GRID2: variants seen among roughly 807,000 people sequenced by gnomAD.
The protein encoded by GRID2 is glutamate ionotropic receptor delta type subunit 2, also known as glutamate receptor ionotropic, delta-2.
In GRID2, 33 loss-of-function variants were observed where a neutral mutation model predicts 114.8. The ratio of observed to expected loss-of-function variants is 0.29; its 90% CI spans 0.22 to 0.38. The LOEUF is 0.38. Ranked by LOEUF, GRID2 falls within the 10% of genes least tolerant of loss-of-function variation. The probability of loss-of-function intolerance (pLI) is 1.00; values close to 1 mark genes in which losing one functional copy is unlikely to be tolerated. For synonymous variants in GRID2, 505 were observed against 449.9 expected (o/e 1.12, Z -1.55); for missense variants, 1,184 against 1,257.7 (o/e 0.94, Z 0.89).
intron 3 of GRID2, among the ~76,000 whole-genome samples, chr4:93,104,951 A>ACATCCTCTCC (rs1265341600): frequency 2.6e-5 from 4 of 151,800 alleles, no homozygotes; most frequent in African/African-American, 9.7e-5. Flanking sequence ...CTGTTTCTCC[A>ACATCCTCTCC]CATCCTCTCC....
chr4:93,223,514 C>G (rs1745133166), intron 6 of GRID2, among the ~76,000 whole-genome samples: 2 of 152,066 alleles, frequency 1.3e-5, no homozygotes, highest in Non-Finnish European at 2.9e-5. Context: ...TGTGGGTAGA[C>G]TATTTTAAAA....
intron 13 of GRID2, among the ~76,000 whole-genome samples, chr4:93,619,695 G>C (rs1484925901): frequency 6.6e-6 from 1 of 152,178 alleles, no homozygotes; most frequent in Non-Finnish European, 1.5e-5. Flanking sequence ...GGCCTCGAGG[G>C]TCCAGAGTCA....
At chr4:93,044,061 A>T (rs1293362427) in intron 2 of GRID2, among the ~76,000 whole-genome samples, 1 of 152,122 alleles carries the variant, frequency 6.6e-6, no homozygotes, top group Non-Finnish European at 1.5e-5. Flanking sequence ...ACTGTCTTCT[A>T]AATTTCCAAA....
intron 2 of GRID2, among the ~76,000 whole-genome samples, chr4:92,599,567 C>G (rs1469332843): frequency 2.6e-5 from 4 of 152,112 alleles, no homozygotes; most frequent in Non-Finnish European, 5.9e-5. Context: ...TTCAAAAACA[C>G]ATGATATCAT....
intron 2 of GRID2, among the ~76,000 whole-genome samples, chr4:92,952,660 A>G (rs17020035): frequency 0.025 from 3,876 of 152,296 alleles, 88 homozygotes; most frequent in African/African-American, 0.055. Flanking sequence ...GAATTGCCTA[A>G]CTCAAAGTTT....
chr4:93,302,407 A>T (rs1754971734), intron 8 of GRID2, among the ~76,000 whole-genome samples: 1 of 152,230 alleles, frequency 6.6e-6, no homozygotes, highest in Admixed American at 6.5e-5. Context: ...GGCCGCATGA[A>T]TACAGCAGCC....
intron 5 of GRID2, among the ~76,000 whole-genome samples, chr4:93,215,692 G>C (rs970829625): frequency 6.6e-6 from 1 of 151,922 alleles, no homozygotes; most frequent in Non-Finnish European, 1.5e-5. Flanking sequence ...TATAAAGGAC[G>C]ATTTTTGAAT....
At chr4:93,387,022 G>A (rs1764383322) in intron 8 of GRID2, among the ~76,000 whole-genome samples, 1 of 152,208 alleles carries the variant, frequency 6.6e-6, no homozygotes, top group Non-Finnish European at 1.5e-5. Flanking sequence ...GGGGAGGGAA[G>A]CTTTCCTCTG....
chr4:92,971,516 C>G lies in GRID2; in HGVS notation c.245-113479C>G, dbSNP rs185630542. Among the ~76,000 whole-genome samples, 569 of 150,836 alleles carry G rather than the reference C, an allele frequency of 3.8e-3. 18 individuals are homozygous for G. In the East Asian group the frequency reaches 0.062, roughly 16 times the overall value. ...CAGAGTAATTACATAGCCATCAACT[C>G]AAACATTTATCATTTCTCTGTGTGT... On this transcript the variant is annotated intron_variant, in intron 2 of 15. Transcript: ENST00000282020.
At chr4:93,367,468 G>A (rs1455851260) in intron 8 of GRID2, among the ~76,000 whole-genome samples, 2 of 151,992 alleles carry the variant, frequency 1.3e-5, no homozygotes, top group African/African-American at 4.8e-5. Flanking sequence ...GAATAAGAAT[G>A]TTTAAAAATG....
At chr4:93,444,827 C>T (rs1042702470) in intron 10 of GRID2, among the ~76,000 whole-genome samples, 3 of 152,010 alleles carry the variant, frequency 2.0e-5, no homozygotes, top group Non-Finnish European at 4.4e-5. Flanking sequence ...AAAAAATGTA[C>T]ATACCTATGT....
At chr4:92,352,357 TA>T (rs1560582043) in intron 1 of GRID2, among the ~76,000 whole-genome samples, 2 of 149,124 alleles carry the variant, frequency 1.3e-5, no homozygotes, top group African/African-American at 2.4e-5. Flanking sequence ...TTATTATTAT[TA>T]TTATTATTAT....
intron 8 of GRID2, among the ~76,000 whole-genome samples, chr4:93,314,661 T>A (rs899670934): frequency 6.6e-6 from 1 of 152,098 alleles, no homozygotes; most frequent in Non-Finnish European, 1.5e-5. Flanking sequence ...CCTTTATTTT[T>A]TCTTTTCCTT....
intron 11 of GRID2, among the ~76,000 whole-genome samples, chr4:93,465,090 A>C (rs1724139506): frequency 6.6e-6 from 1 of 152,226 alleles, no homozygotes. Flanking sequence ...CACAAGTGAC[A>C]CAAACTAGGA....
intron 2 of GRID2, among the ~76,000 whole-genome samples, chr4:92,729,986 G>T (rs901586399): frequency 6.6e-6 from 1 of 151,724 alleles, no homozygotes; most frequent in African/African-American, 2.4e-5. Context: ...AATATAATGA[G>T]GAATTATAAT....
intron 12 of GRID2, among the ~76,000 whole-genome samples, chr4:93,500,467 TATTA>T (rs1450329708): frequency 1.3e-5 from 2 of 151,984 alleles, no homozygotes; most frequent in African/African-American, 4.8e-5. Flanking sequence ...CAATTCTATA[TATTA>T]ATTGTTCCTT....
chr4:93,534,878 A>C (rs1731875383), intron 13 of GRID2, among the ~76,000 whole-genome samples: 4 of 149,968 alleles, frequency 2.7e-5, no homozygotes, highest in African/African-American at 9.8e-5. Flanking sequence ...AACACTTAAG[A>C]TCTACTCGCT....
At chr4:92,884,520 C>G (rs1158592327) in intron 2 of GRID2, 1 of 153,930 alleles carries the variant, frequency 6.5e-6, no homozygotes, top group Non-Finnish European at 1.4e-5. Context: ...GCATGCCTTC[C>G]TCTTGAGGCT....
At chr4:93,231,673 T>C (rs1203451088) in intron 7 of GRID2, among the ~76,000 whole-genome samples, 1 of 152,178 alleles carries the variant, frequency 6.6e-6, no homozygotes. Flanking sequence ...ATTGCAAAAC[T>C]AGAAATGTCT....
Sources: allele counts gnomAD v4.1 joint callset (sites outside exome capture counted in the v4.1 genomes callset), GRCh38; gene constraint gnomAD v4.1.1; transcripts MANE v1.5; gene names NCBI Gene and HGNC (gene_info 2026-07-23, HGNC 2026-07-21).